The following HDAC9 variants were observed in gnomAD, a reference collection of about 807,000 sequenced individuals.
HDAC9 encodes MEF-2 interacting transcription repressor (MITR) protein.
In HDAC9, 41 loss-of-function variants were observed where a neutral mutation model predicts 139.4. The observed-to-expected ratio is 0.29, with a 90% CI of 0.23 to 0.38. The LOEUF (loss-of-function observed/expected upper bound fraction) is 0.38, where lower values mean the gene tolerates loss of function less well. Ranked by LOEUF, HDAC9 falls within the 10% of genes least tolerant of loss-of-function variation. The probability of loss-of-function intolerance (pLI) is 1.00; values close to 1 mark genes in which losing one functional copy is unlikely to be tolerated. For synonymous variants in HDAC9, 517 were observed against 476.2 expected (o/e 1.09, Z -1.12); for missense variants, 1,147 against 1,297.0 (o/e 0.88, Z 1.78).
intron 2 of HDAC9, among the ~76,000 whole-genome samples, chr7:18,519,151 G>A (rs573791242): frequency 1.3e-5 from 2 of 152,262 alleles, no homozygotes; most frequent in South Asian, 4.1e-4. Context: ...TAGACATTGT[G>A]CCTTGGAAAA....
chr7:18,745,960 C>G (rs1321310196), intron 13 of HDAC9, among the ~76,000 whole-genome samples: 2 of 141,560 alleles, frequency 1.4e-5, no homozygotes, highest in Non-Finnish European at 3.0e-5. Context: ...GGCTCAATCA[C>G]TGCTCACTGC....
At chr7:18,299,901 T>A (rs1798420996) in intron 1 of HDAC9, among the ~76,000 whole-genome samples, 1 of 152,198 alleles carries the variant, frequency 6.6e-6, no homozygotes, top group South Asian at 2.1e-4. Context: ...TAGTCAAAGA[T>A]GTTAAATTTT....
intron 2 of HDAC9, among the ~76,000 whole-genome samples, chr7:18,566,654 C>G (rs1344465288): frequency 6.6e-6 from 1 of 152,176 alleles, no homozygotes; most frequent in Non-Finnish European, 1.5e-5. Flanking sequence ...CTAATCAAGA[C>G]TAGAACTGGA....
chr7:18,513,207 T>A (rs1027586186), intron 2 of HDAC9, among the ~76,000 whole-genome samples: 1 of 152,190 alleles, frequency 6.6e-6, no homozygotes, highest in African/African-American at 2.4e-5. Flanking sequence ...GATCTTGCAT[T>A]GTATAGAGGG....
chr7:18,312,491 A>G (rs1799383443), intron 1 of HDAC9, among the ~76,000 whole-genome samples: 1 of 152,134 alleles, frequency 6.6e-6, no homozygotes, highest in African/African-American at 2.4e-5. Context: ...ACTGCTACAT[A>G]GTAGTTCATT....
intron 16 of HDAC9, among the ~76,000 whole-genome samples, chr7:18,784,181 A>G (rs1791491973): frequency 6.6e-6 from 1 of 151,720 alleles, no homozygotes; most frequent in Non-Finnish European, 1.5e-5. Context: ...ACACTACTTG[A>G]TTCCAATACA....
At chr7:18,757,107 T>G (rs995996422) in intron 14 of HDAC9, among the ~76,000 whole-genome samples, 1 of 152,190 alleles carries the variant, frequency 6.6e-6, no homozygotes, top group African/African-American at 2.4e-5. Context: ...AAAAAATCAA[T>G]AAGACCATGA....
In HDAC9 at chr7:18,795,609, A is replaced by C. The variant is rs181333425; in HGVS notation, c.2322+2157A>C. Among the ~76,000 whole-genome samples the C allele has an allele frequency of 3.9e-5, 6 of 152,308 alleles. No individual in the cohort carries two copies. The East Asian group carries it at 1.2e-3, about 29-fold the overall frequency. On this transcript the variant is annotated intron_variant, in intron 17 of 25. Transcript: ENST00000686413. ...GCCAAGTCCATTGTAAAAGTCCAAG[A>C]TAGGCAGAATCATAACAGAGGCACT...
At chr7:18,153,842 G>T (rs576325754) in intron 1 of HDAC9, among the ~76,000 whole-genome samples, 11 of 152,230 alleles carry the variant, frequency 7.2e-5, no homozygotes, top group Non-Finnish European at 1.6e-4. Context: ...ACTCATACTG[G>T]TTTCCTTCTA....
At chr7:18,501,960 T>A (rs181352312) in intron 2 of HDAC9, among the ~76,000 whole-genome samples, 1 of 152,322 alleles carries the variant, frequency 6.6e-6, no homozygotes, top group African/African-American at 2.4e-5. Context: ...GTTGGGTGGT[T>A]AGGCAGCACC....
chr7:18,388,907 C>T (rs533522907), intron 1 of HDAC9, among the ~76,000 whole-genome samples: 1 of 152,174 alleles, frequency 6.6e-6, no homozygotes, highest in Non-Finnish European at 1.5e-5. Flanking sequence ...TTTCTTGACA[C>T]TCTCATTCCT....
chr7:18,763,959 T>A (rs941900284), intron 15 of HDAC9, among the ~76,000 whole-genome samples: 1 of 152,196 alleles, frequency 6.6e-6, no homozygotes, highest in Non-Finnish European at 1.5e-5. Context: ...TTGTTCCACA[T>A]TTTAAGAGAA....
At chr7:18,443,447 G>GTGTTGAT (rs1791978639) in intron 1 of HDAC9, among the ~76,000 whole-genome samples, 1 of 152,108 alleles carries the variant, frequency 6.6e-6, no homozygotes, top group Non-Finnish European at 1.5e-5. Context: ...CCTCATAAAA[G>GTGTTGAT]TAAATAGAAT....
chr7:18,757,037 C>T (rs1788942251), intron 14 of HDAC9, among the ~76,000 whole-genome samples: 1 of 151,906 alleles, frequency 6.6e-6, no homozygotes, highest in African/African-American at 2.4e-5. Flanking sequence ...AGTAGTTGTG[C>T]TTAGGCATAA....
At chr7:18,493,801 A>G (rs1288058778), upstream of HDAC9, among the ~76,000 whole-genome samples, 2 of 152,046 alleles carry the variant, frequency 1.3e-5, no homozygotes, top group Non-Finnish European at 2.9e-5. Flanking sequence ...AAGTTCTTCA[A>G]AAGAAATCTC....
chr7:18,648,872 T>C (rs999010123), intron 11 of HDAC9, among the ~76,000 whole-genome samples, 189 bp downstream of exon 11: 5 of 152,170 alleles, frequency 3.3e-5, no homozygotes, highest in Admixed American at 2.6e-4. Flanking sequence ...ATTATGTTCA[T>C]AAGACATTTG....
chr7:18,423,257 A>AT (rs1789809054), intron 1 of HDAC9, among the ~76,000 whole-genome samples: 1 of 152,184 alleles, frequency 6.6e-6, no homozygotes, highest in Non-Finnish European at 1.5e-5. Flanking sequence ...TCAACAAATA[A>AT]TTTTTTATTT....
At chr7:18,144,147 T>G (rs1057259985) in intron 1 of HDAC9, among the ~76,000 whole-genome samples, 4 of 152,136 alleles carry the variant, frequency 2.6e-5, no homozygotes, top group Non-Finnish European at 5.9e-5. Context: ...CATTTTCTGA[T>G]TATGAATAAT....
chr7:18,399,288 A>C (rs780787258), intron 1 of HDAC9, among the ~76,000 whole-genome samples: 1 of 152,048 alleles, frequency 6.6e-6, no homozygotes, highest in Non-Finnish European at 1.5e-5. Flanking sequence ...TGAAAAACCC[A>C]CCCTTCTGTA....
Sources: gnomAD v4.1 joint callset for allele counts (sites outside exome capture counted in the v4.1 genomes callset) on GRCh38, gnomAD v4.1.1 for gene constraint, MANE v1.5 for transcripts, NCBI Gene and HGNC (gene_info 2026-07-23, HGNC 2026-07-21) for gene names.